Variants in SMC3 observed in about 807,000 individuals in gnomAD.
SMC3 encodes the protein structural maintenance of chromosomes protein 3.
A neutral mutation model predicts 171.8 loss-of-function variants in SMC3; 20 were observed. That is an observed-to-expected ratio of 0.12 (90% CI 0.08 to 0.17). SMC3 has a LOEUF of 0.17. Ranked by LOEUF, SMC3 falls within the 10% of genes least tolerant of loss-of-function variation. SMC3 has a pLI of 1.00. For synonymous variants in SMC3, 464 were observed against 451.1 expected, an observed-to-expected ratio of 1.03 and a Z score of -0.36; for missense variants, 543 against 1,420.4, an observed-to-expected ratio of 0.38 and a Z score of 9.93.
intron 13 of SMC3, among the ~76,000 whole-genome samples, chr10:110,588,389 G>A (rs770060196): frequency 2.6e-5 from 4 of 152,184 alleles, no homozygotes; most frequent in Non-Finnish European, 4.4e-5. Flanking sequence ...CAAAAAGTCA[G>A]TGTTACTACT....
chr10:110,588,057 C>T (rs751087399), intron 13 of SMC3, among the ~76,000 whole-genome samples: 6 of 152,198 alleles, frequency 3.9e-5, no homozygotes, highest in Non-Finnish European at 5.9e-5. Flanking sequence ...GTGACACAAT[C>T]TCAGCTCACT....
chr10:110,584,115 CATT>C (rs200318114), intron 12 of SMC3, 65 bp from the exon 13 acceptor site: 31,411 of 1,517,966 alleles, frequency 0.021, 403 homozygotes, highest in Non-Finnish European at 0.024. Context: ...GTGCAGTTGA[CATT>C]ATTGGTTGCA....
intron 13 of SMC3, among the ~76,000 whole-genome samples, chr10:110,585,797 C>T (rs1861104536): frequency 6.6e-6 from 1 of 151,152 alleles, no homozygotes; most frequent in South Asian, 2.1e-4. Context: ...AATTATTTGT[C>T]CCTAATCTCT....
At chr10:110,574,164 T>C (rs1860913462) in intron 3 of SMC3, among the ~76,000 whole-genome samples, 1 of 152,234 alleles carries the variant, frequency 6.6e-6, no homozygotes, top group South Asian at 2.1e-4. Flanking sequence ...TTTTGGAAAA[T>C]TGTTCATCTT....
intron 10 of SMC3, 77 bp from the exon 11 acceptor site, chr10:110,583,307 G>A (rs1170136781): frequency 1.0e-5 from 12 of 1,164,764 alleles, no homozygotes; most frequent in African/African-American, 1.5e-5. Context: ...AACATTAAGT[G>A]AAAGAGAATT....
At chr10:110,597,061 T>G (rs1861311529) in intron 19 of SMC3, among the ~76,000 whole-genome samples, 7 of 151,490 alleles carry the variant, frequency 4.6e-5, no homozygotes, top group Admixed American at 4.6e-4. Context: ...GGAGGATCAC[T>G]TGAGCCTGGG....
intron 25 of SMC3, 45 bp from the exon 26 acceptor site, chr10:110,602,429 A>G (rs769678596): frequency 6.7e-6 from 10 of 1,492,072 alleles, no homozygotes; most frequent in Non-Finnish European, 9.3e-6. Context: ...AGTGTTATAT[A>G]TAATTCTAAG....
rs1032953685 is a variant in SMC3 at position 110,605,864 on chromosome 10, G to T, written c.*1562G>T. On this transcript the variant is annotated 3_prime_UTR_variant, in exon 29 of 29. Transcript: ENST00000361804. ...ACGATTTGTAGAGTTGCTCTGATAT[G>T]ACCAACCCCTTATAATACAGAATTT... Among the ~76,000 whole-genome samples the T allele has an allele frequency of 6.6e-6, 1 of 152,128 alleles. No individual in the cohort carries two copies. Among genetic ancestry groups the T allele is most frequent in the Non-Finnish European group, 1.5e-5 (1 of 68,020 alleles).
At position 110,600,413 on chromosome 10, in the gene SMC3, T is replaced by C. The variant is rs747027649; in HGVS notation, c.2428-26T>C. 26 of 1,142,342 alleles carry C rather than the reference T, an allele frequency of 2.3e-5. No homozygotes were observed. The Admixed American group carries it at 2.4e-4, about 10-fold the overall frequency. 70.8% of individuals were successfully genotyped at this position (1,142,342 alleles called of 1,614,324 possible). A position where few individuals can be genotyped will look rare whatever the true frequency, so the allele number is the denominator to read the frequency against. ...CCTGTGTGTGAAATGTACATGCTTA[T>C]ATAGACAACTTTTTCTTAATTCTAG... is the stretch of plus-strand genomic sequence containing the variant. On this transcript the variant is annotated intron_variant, in intron 21 of 28. Transcript: ENST00000361804.
At chr10:110,591,876 G>T (rs1861209819) in intron 17 of SMC3, among the ~76,000 whole-genome samples, 2 of 152,130 alleles carry the variant, frequency 1.3e-5, no homozygotes, top group African/African-American at 4.8e-5. Flanking sequence ...TGAAGTTTGG[G>T]TAAGAAAAAT....
chr10:110,586,242 G>A (rs1331070885), intron 13 of SMC3, among the ~76,000 whole-genome samples: 2 of 152,114 alleles, frequency 1.3e-5, no homozygotes, highest in Admixed American at 6.5e-5. Flanking sequence ...TATATAGTGG[G>A]GAGAAAACAC....
intron 13 of SMC3, among the ~76,000 whole-genome samples, chr10:110,584,794 A>G (rs923840232): frequency 6.6e-6 from 1 of 151,908 alleles, no homozygotes; most frequent in Non-Finnish European, 1.5e-5. Context: ...CAAAATTTTT[A>G]TTTATTTTTT....
intron 17 of SMC3, among the ~76,000 whole-genome samples, chr10:110,591,647 T>A (rs766196757): frequency 2.0e-5 from 3 of 152,158 alleles, no homozygotes; most frequent in Non-Finnish European, 4.4e-5. Context: ...GCACTTTAGG[T>A]GGATTAAAAA....
rs74158109 is a variant in SMC3 at position 110,571,829 on chromosome 10, G to T, written c.92-1878G>T. ...ATGGGTTCATTTTTAAATAAAAAAT[G>T]GGTTCATCATATAACTTACTGGTAA... On this transcript the variant is annotated intron_variant, in intron 2 of 28. Transcript: ENST00000361804. Among the ~76,000 whole-genome samples the T allele has an allele frequency of 2.4e-3, 370 of 151,194 alleles. 4 individuals are homozygous for T. The highest frequency in any genetic ancestry group is 8.6e-3 in the African/African-American group (353 of 41,258).
At chr10:110,573,884 G>T in intron 3 of SMC3, 139 bp downstream of exon 3, 1 of 676,042 alleles carries the variant, frequency 1.5e-6, no homozygotes. Flanking sequence ...TTAGTGTAGA[G>T]GGTTTAGAGT....
chr10:110,577,637 CTG>C (rs1163677808), intron 5 of SMC3, 145 bp downstream of exon 5: 7 of 716,962 alleles, frequency 9.8e-6, no homozygotes, highest in East Asian at 2.7e-5. Flanking sequence ...AATGAATACT[CTG>C]TTAACAAATG....
At chr10:110,576,492 A>G (rs1860953058) in intron 4 of SMC3, among the ~76,000 whole-genome samples, 1 of 152,206 alleles carries the variant, frequency 6.6e-6, no homozygotes, top group Non-Finnish European at 1.5e-5. Flanking sequence ...GGACTAAAGT[A>G]ATTTTAGGAT....
chr10:110,567,867 C>T (rs2134705085), intron 1 of SMC3, 36 bp downstream of exon 1: 1 of 1,612,518 alleles, frequency 6.2e-7, no homozygotes, highest in Admixed American at 1.7e-5. Flanking sequence ...CGTCATGGGC[C>T]GGTAAGGGCC....
In SMC3 at chr10:110,591,488, A is replaced by AT. The variant is rs1462447982; in HGVS notation, c.1812+358dup. ...TGAGAGCATATCTGGGAGTGACATA[A>AT]TTAAGGTTAGGGAGTTGGAGAAAGA... On this transcript the variant is annotated intron_variant, in intron 17 of 28. Transcript: ENST00000361804. Among the ~76,000 whole-genome samples, 11 of 152,352 alleles carry AT rather than the reference A, an allele frequency of 7.2e-5. No individual in the cohort carries two copies. The South Asian group carries it at 1.5e-3, about 20-fold the overall frequency.
Sources: gnomAD v4.1 joint callset for allele counts (sites outside exome capture counted in the v4.1 genomes callset) on GRCh38, gnomAD v4.1.1 for gene constraint, MANE v1.5 for transcripts, NCBI Gene and HGNC (gene_info 2026-07-23, HGNC 2026-07-21) for gene names.